Variants in ERICH3 observed in about 807,000 individuals in gnomAD.
ERICH3 encodes glutamate rich 3, also known as glutamate-rich protein 3.
ERICH3 carries 126 observed loss-of-function variants against 131.1 expected under a neutral mutation model. That is an observed-to-expected ratio of 0.96 (90% CI 0.83 to 1.11). The LOEUF is 1.11. Among genes scored for constraint, ERICH3 ranks in the 50% most tolerant of loss-of-function variants. ERICH3 has a pLI of 0.00. For synonymous variants in ERICH3, 695 were observed against 644.6 expected (o/e 1.08, Z -1.18); for missense variants, 2,050 against 1,810.7 (o/e 1.13, Z -2.40).
Position 74,642,968 on chromosome 1 carries a change from T to G in ERICH3, c.315+59A>C, listed in dbSNP as rs75412273. ...GGGAACTGGAATCATAGTTTCACTGTTTTTTTTAAAATCATAAAATAATAC... is the reference window on the plus strand; with the variant it reads ...GGGAACTGGAATCATAGTTTCACTGGTTTTTTTAAAATCATAAAATAATAC... On this transcript the variant is annotated intron_variant, in intron 4 of 14. Coordinates refer to ENST00000326665, the MANE Select transcript of ERICH3 (RefSeq NM_001002912.5). The G allele has an allele frequency of 3.7e-3, 4,862 of 1,302,836 alleles. 143 individuals carry two copies. In the African/African-American group the frequency reaches 0.064, roughly 17 times the overall value. The allele number at this position is 1,302,836 out of a possible 1,614,324, so 80.7% of individuals were successfully genotyped here. A position where few individuals can be genotyped will look rare whatever the true frequency, so the allele number is the denominator to read the frequency against.
rs560954525 is a variant in ERICH3 at position 74,670,624 on chromosome 1, G to A, written c.23+2873C>T. Among the ~76,000 whole-genome samples the A allele has an allele frequency of 1.2e-4, 18 of 152,222 alleles. No homozygotes were observed. The South Asian group carries it at 2.7e-3, about 23-fold the overall frequency. On this transcript the variant is annotated intron_variant, in intron 1 of 14. Transcript: ENST00000326665. ...TTCGTAAGCTGAGGATGTACATCAC[G>A]TCAGGACCACTGTGATAATTTTGTT...
chr1:74,622,158 T>C (rs536487065), intron 7 of ERICH3: 1 of 152,354 alleles, frequency 6.6e-6, no homozygotes, highest in Admixed American at 6.5e-5. Context: ...TTCTTTTCCA[T>C]TTCATTCTAT....
At position 74,636,390 on chromosome 1, in the gene ERICH3, G is replaced by T; in HGVS notation, c.493C>A (p.Arg165=). ...TAPGNMQPPI[R]LQPLPSNPAV... ...GGATTACTGGGAAGAGGCTGTAATCGAATTGGAGGCTGCATATTTCCTGGA... is the reference window on the plus strand; with the variant it reads ...GGATTACTGGGAAGAGGCTGTAATCTAATTGGAGGCTGCATATTTCCTGGA... Residue 165 remains arginine, a synonymous_variant, in exon 6 of 15, where the codon CGA becomes AGA. Coordinates refer to ENST00000326665, the MANE Select transcript of ERICH3 (RefSeq NM_001002912.5). 1 of 1,612,808 alleles carries T rather than the reference G, an allele frequency of 6.2e-7. No individual in the cohort carries two copies. Among genetic ancestry groups the T allele is most frequent in the Non-Finnish European group, 8.5e-7 (1 of 1,179,108 alleles).
In ERICH3 at chr1:74,571,624, A is replaced by G; in HGVS notation, c.4086T>C (p.Gly1362=). The G allele has an allele frequency of 6.2e-7, 1 of 1,614,098 alleles. No individual in the cohort carries two copies. The highest frequency in any genetic ancestry group is 1.1e-5 in the South Asian group (1 of 91,086). ...TTGTTTTCTCCTCGGCTGTCTCCGA[A>G]CCTGCCAACACCTCCCTCTCCTCTG... ...TAAEEREVLA[G]SETAEEKTIA... is the part of the protein sequence containing the mutation. Residue 1362 remains glycine, a synonymous_variant, in exon 14 of 15, where the codon GGT becomes GGC. Transcript: ENST00000326665.
chr1:74,660,333 AC>A (rs1646628695), intron 1 of ERICH3, among the ~76,000 whole-genome samples: 1 of 152,012 alleles, frequency 6.6e-6, no homozygotes, highest in African/African-American at 2.4e-5. Flanking sequence ...ATACAATTTA[AC>A]ATAAAATTAA....
At chr1:74,584,719 G>T (rs1011396232) in intron 12 of ERICH3, among the ~76,000 whole-genome samples, 4 of 152,054 alleles carry the variant, frequency 2.6e-5, no homozygotes, top group African/African-American at 9.7e-5. Flanking sequence ...CACTTGGCAG[G>T]CATATCTCTC....
intron 1 of ERICH3, among the ~76,000 whole-genome samples, chr1:74,655,265 T>C (rs1646573586): frequency 6.6e-6 from 1 of 152,190 alleles, no homozygotes. Flanking sequence ...GTTCATTAGT[T>C]TCCCATTGCT....
At chr1:74,621,959 G>A (rs1049513010) in intron 7 of ERICH3, 1 of 152,136 alleles carries the variant, frequency 6.6e-6, no homozygotes, top group African/African-American at 2.4e-5. Context: ...TCAATTTTAA[G>A]CTAGACAAAA....
At chr1:74,613,270 T>C (rs760333664) in intron 8 of ERICH3, among the ~76,000 whole-genome samples, 4 of 152,234 alleles carry the variant, frequency 2.6e-5, no homozygotes, top group Non-Finnish European at 5.9e-5. Context: ...TAAGGTTACA[T>C]GAGCACTTAC....
rs764403859 is a variant in ERICH3 at position 74,572,794 on chromosome 1, C to T, written c.2916G>A (p.Glu972=). ...TASKREDGSE[E]AILGGEEPAK... ...CTGGTTCCTCTCCCCCAAGAATTGCCTCTTCAGAACCGTCCTCTCTCTTTG... is the reference window on the plus strand; with the variant it reads ...CTGGTTCCTCTCCCCCAAGAATTGCTTCTTCAGAACCGTCCTCTCTCTTTG... Residue 972 remains glutamate, a synonymous_variant, in exon 14 of 15, where the codon GAG becomes GAA. Transcript: ENST00000326665. 1 of 1,613,954 alleles carries T rather than the reference C, an allele frequency of 6.2e-7. No individual in the cohort carries two copies. Among genetic ancestry groups the T allele is most frequent in the Admixed American group, 1.7e-5 (1 of 60,020 alleles).
Position 74,573,422 on chromosome 1 carries a change from A to T in ERICH3, c.2288T>A (p.Val763Glu), listed in dbSNP as rs762652290. The change falls in exon 14 of 15, where the codon GTG (valine) becomes GAG (glutamate). Residue 763 changes from valine (V) to glutamate (E), a missense_variant. By Grantham distance (121) the Val-to-Glu change is moderately radical. Transcript: ENST00000326665. ...CTTCTCCAGTGTATACGTTTTTTGC[A>T]CCAATTGCTGGGATTCCTTGTTTGA... ...INSNKESQQL[V>E]QKTYTLEKKE... 3 of 1,575,706 alleles carry T rather than the reference A, an allele frequency of 1.9e-6. No individual in the cohort carries two copies.
chr1:74,635,586 T>C (rs1315342249), intron 6 of ERICH3, among the ~76,000 whole-genome samples: 1 of 152,138 alleles, frequency 6.6e-6, no homozygotes, highest in East Asian at 1.9e-4. Context: ...TTTCTTAAGC[T>C]GGCAAAATTT....
Position 74,589,736 on chromosome 1 carries a change from G to C in ERICH3, c.2071C>G (p.His691Asp). Residue 691 changes from histidine (H) to aspartate (D), a missense_variant, in exon 12 of 15, where the codon CAT becomes GAT. Transcript: ENST00000326665. ...AEGLSEKSGK[H>D]VSAEEKEKDK... ...TTTTCCTTTTCTTCTGCAGAAACAT[G>C]TTTCCCGGACTTCTCAGATAAACCC... 6.2e-7 allele frequency: 1 copy of C among 1,613,988 alleles called. No homozygotes were observed. Among genetic ancestry groups the C allele is most frequent in the Non-Finnish European group, 8.5e-7 (1 of 1,179,946 alleles).
chr1:74,609,610 C>T (rs568915392), intron 9 of ERICH3, among the ~76,000 whole-genome samples: 1 of 151,972 alleles, frequency 6.6e-6, no homozygotes, highest in Non-Finnish European at 1.5e-5. Flanking sequence ...ACTCACCTAA[C>T]CCTGTACCAT....
intron 7 of ERICH3, among the ~76,000 whole-genome samples, chr1:74,621,117 T>C (rs569831377): frequency 6.6e-6 from 1 of 152,202 alleles, no homozygotes; most frequent in Non-Finnish European, 1.5e-5. Flanking sequence ...ATATATGTTT[T>C]GGCTTTCTAC....
chr1:74,615,839 G>T (rs1648936466), intron 8 of ERICH3, among the ~76,000 whole-genome samples: 1 of 152,174 alleles, frequency 6.6e-6, no homozygotes, highest in South Asian at 2.1e-4. Context: ...CAGCCGCTTT[G>T]CTGTCTGTGG....
intron 12 of ERICH3, among the ~76,000 whole-genome samples, chr1:74,588,919 C>G (rs1214944315): frequency 6.6e-6 from 1 of 152,148 alleles, no homozygotes; most frequent in Non-Finnish European, 1.5e-5. Flanking sequence ...TCAGAGAACT[C>G]AAAGGGAAGT....
intron 11 of ERICH3, among the ~76,000 whole-genome samples, chr1:74,590,870 G>A (rs1265065201): frequency 6.6e-6 from 1 of 151,882 alleles, no homozygotes; most frequent in South Asian, 2.1e-4. Flanking sequence ...CTGTTTTTTT[G>A]TTGTTTTTTG....
intron 10 of ERICH3, among the ~76,000 whole-genome samples, chr1:74,605,304 T>G (rs1387027258): frequency 6.6e-6 from 1 of 151,944 alleles, no homozygotes; most frequent in Non-Finnish European, 1.5e-5. Flanking sequence ...AGATCTTCTA[T>G]TGAGACCGCT....
Sources: gnomAD v4.1 joint callset for allele counts (sites outside exome capture counted in the v4.1 genomes callset) on GRCh38, gnomAD v4.1.1 for gene constraint, MANE v1.5 for transcripts, NCBI Gene and HGNC (gene_info 2026-07-23, HGNC 2026-07-21) for gene names.